ADAMTS2: variants seen among roughly 807,000 people sequenced by gnomAD.
ADAMTS2 encodes the protein ADAM metallopeptidase with thrombospondin type 1 motif 2.
Under a neutral mutation model 123.0 loss-of-function variants are expected in ADAMTS2, and 50 were observed. That is an observed-to-expected ratio of 0.41 (90% CI 0.32 to 0.51). ADAMTS2 has a LOEUF of 0.51. ADAMTS2 is among the 20% of genes least tolerant of loss of function. ADAMTS2 has a pLI of 0.35. For synonymous variants in ADAMTS2, 678 were observed against 695.4 expected (o/e 0.98, Z 0.39); for missense variants, 1,494 against 1,705.2 (o/e 0.88, Z 2.18).
intron 8 of ADAMTS2, among the ~76,000 whole-genome samples, chr5:179,153,831 G>A (rs754313426): frequency 2.0e-4 from 30 of 152,176 alleles, no homozygotes; most frequent in Non-Finnish European, 4.1e-4. Context: ...CAGGGTAGCC[G>A]CCGTGCCCAC....
At chr5:179,120,671 C>T (rs1762740836) in intron 21 of ADAMTS2, 1 of 151,782 alleles carries the variant, frequency 6.6e-6, no homozygotes, top group Non-Finnish European at 1.5e-5. Flanking sequence ...GGAGCACCCT[C>T]GGGGGCTCCA....
chr5:179,310,497 G>A (rs553552499), intron 2 of ADAMTS2, among the ~76,000 whole-genome samples: 4 of 152,290 alleles, frequency 2.6e-5, no homozygotes, highest in Admixed American at 2.6e-4. Context: ...AACAAGGAGA[G>A]GTTCAAGTCC....
chr5:179,280,951 A>G (rs1422110232), intron 2 of ADAMTS2, among the ~76,000 whole-genome samples: 5 of 151,938 alleles, frequency 3.3e-5, no homozygotes, highest in African/African-American at 9.7e-5. Context: ...TCTGCCTCCC[A>G]TTTTTAAGCG....
At chr5:179,122,820 C>A (rs535802745) in intron 19 of ADAMTS2, 47 bp from the exon 20 acceptor site, 2 of 1,550,258 alleles carry the variant, frequency 1.3e-6, no homozygotes, top group East Asian at 2.4e-5. Context: ...CACACAGGGC[C>A]CGCACTGGCA....
intron 3 of ADAMTS2, among the ~76,000 whole-genome samples, chr5:179,251,308 C>A (rs6894964): frequency 0.032 from 4,822 of 152,234 alleles, 242 homozygotes; most frequent in African/African-American, 0.11. Flanking sequence ...TCCAAAAAGT[C>A]TCAGGAATCG....
intron 11 of ADAMTS2, among the ~76,000 whole-genome samples, chr5:179,138,285 T>A (rs973088370): frequency 3.3e-5 from 5 of 152,158 alleles, no homozygotes; most frequent in Non-Finnish European, 7.3e-5. Flanking sequence ...AAGCTGTGAT[T>A]GGGTGTTTAG....
intron 3 of ADAMTS2, among the ~76,000 whole-genome samples, chr5:179,208,679 G>A (rs1392014677): frequency 6.6e-6 from 1 of 152,190 alleles, no homozygotes; most frequent in East Asian, 1.9e-4. Context: ...CAGCAAGGCT[G>A]GCCAGGCTGA....
intron 2 of ADAMTS2, among the ~76,000 whole-genome samples, chr5:179,329,795 G>A (rs2127458938): frequency 6.6e-6 from 1 of 152,304 alleles, no homozygotes; most frequent in Middle Eastern, 3.4e-3. Context: ...CAGCTTCAGA[G>A]GAGGAAAGTT....
chr5:179,194,302 C>G (rs1764369743), intron 4 of ADAMTS2, among the ~76,000 whole-genome samples: 2 of 152,216 alleles, frequency 1.3e-5, no homozygotes, highest in Non-Finnish European at 2.9e-5. Flanking sequence ...CATCACTGGT[C>G]TGTCGGCCTC....
chr5:179,204,646 C>T (rs920177352), intron 4 of ADAMTS2, among the ~76,000 whole-genome samples: 5 of 152,234 alleles, frequency 3.3e-5, no homozygotes, highest in African/African-American at 4.8e-5. Flanking sequence ...CAGGACTCTC[C>T]GGGCATGCAG....
intron 3 of ADAMTS2, among the ~76,000 whole-genome samples, chr5:179,261,695 G>A (rs138488432): frequency 6.6e-6 from 1 of 152,342 alleles, no homozygotes; most frequent in East Asian, 1.9e-4. Context: ...CCTTGGGGTG[G>A]ACAGGAAGGC....
At position 179,280,692 on chromosome 5, in the gene ADAMTS2, C is replaced by T. The variant is rs568494876; in HGVS notation, c.535-7628G>A. The stretch of plus-strand genomic sequence containing the variant: ...TCCTCTCTCTCCGGGCTTCTATTTG[C>T]ACCTCAAAGCCTACACCGCTGCCCT... On this transcript the variant is annotated intron_variant, in intron 2 of 21. Coordinates refer to ENST00000251582, the MANE Select transcript of ADAMTS2 (RefSeq NM_014244.5). Among the ~76,000 whole-genome samples, 4 of 152,246 alleles carry T rather than the reference C, an allele frequency of 2.6e-5. No individual in the cohort carries two copies. The South Asian group carries it at 6.2e-4, about 24-fold the overall frequency.
chr5:179,321,420 C>T (rs1227272293), intron 2 of ADAMTS2, among the ~76,000 whole-genome samples: 2 of 152,218 alleles, frequency 1.3e-5, no homozygotes, highest in Middle Eastern at 6.3e-3. Context: ...CACCAACTCC[C>T]CAGCGACCCT....
chr5:179,205,909 C>T (rs1197351473), intron 4 of ADAMTS2, among the ~76,000 whole-genome samples: 2 of 152,056 alleles, frequency 1.3e-5, no homozygotes, highest in African/African-American at 2.4e-5. Context: ...GTAGCTGGGA[C>T]TACAGGCGCC....
chr5:179,186,494 C>T (rs1180836827), intron 4 of ADAMTS2, among the ~76,000 whole-genome samples: 1 of 152,180 alleles, frequency 6.6e-6, no homozygotes, highest in Non-Finnish European at 1.5e-5. Context: ...CCTGCCCCCT[C>T]TACCATCCCA....
chr5:179,191,077 CG>C (rs1764294385), intron 4 of ADAMTS2, among the ~76,000 whole-genome samples: 1 of 152,246 alleles, frequency 6.6e-6, no homozygotes. Flanking sequence ...TGCTGCAGAA[CG>C]GGGAAGGACC....
At position 179,121,667 on chromosome 5, in the gene ADAMTS2, A is replaced by T; in HGVS notation, c.3172T>A (p.Ser1058Thr). 1 of 1,601,198 alleles carries T rather than the reference A, an allele frequency of 6.2e-7. No individual in the cohort carries two copies. Among genetic ancestry groups the T allele is most frequent in the Non-Finnish European group, 8.5e-7 (1 of 1,173,712 alleles). ...TTATAAACGGGTCGGTTACTTGACG[A>T]GATCTTCCGGATGGGCGAGTCGGGG... Reference protein sequence around the residue: ...PDPDSPIRKISSKGHCQGDKS... With the variant: ...PDPDSPIRKITSKGHCQGDKS... The change falls in exon 21 of 22, where the codon TCG (serine) becomes ACG (threonine). Residue 1058 changes from serine to threonine, a missense_variant. Physicochemically the swap from Ser to Thr is moderately conservative, Grantham distance 58. Transcript: ENST00000251582.
At chr5:179,186,873 G>C (rs917129477) in intron 4 of ADAMTS2, among the ~76,000 whole-genome samples, 2 of 113,854 alleles carry the variant, frequency 1.8e-5, no homozygotes, top group African/African-American at 6.6e-5. Flanking sequence ...TCTTCACTAC[G>C]ATCACCAAGC....
chr5:179,159,573 C>T (rs751050205), intron 5 of ADAMTS2, among the ~76,000 whole-genome samples: 38 of 152,288 alleles, frequency 2.5e-4, no homozygotes, highest in Non-Finnish European at 4.6e-4. Context: ...GGGAAGCCCC[C>T]GGGAACCATC....
Sources: allele counts gnomAD v4.1 joint callset (sites outside exome capture counted in the v4.1 genomes callset), GRCh38; gene constraint gnomAD v4.1.1; transcripts MANE v1.5; gene names NCBI Gene and HGNC (gene_info 2026-07-23, HGNC 2026-07-21).